Variants in GSAP observed in about 807,000 individuals in gnomAD.
The protein encoded by GSAP is gamma-secretase-activating protein.
GSAP carries 118 observed loss-of-function variants against 131.7 expected under a neutral mutation model. The ratio of observed to expected loss-of-function variants is 0.90; its 90% confidence interval spans 0.77 to 1.04. The LOEUF (loss-of-function observed/expected upper bound fraction) is 1.04. GSAP is among the 50% of genes least tolerant of loss of function. The probability of loss-of-function intolerance (pLI) is 0.00; values close to 1 mark genes in which losing one functional copy is unlikely to be tolerated. For missense variants in GSAP, 1,019 were observed against 1,013.2 expected, an observed-to-expected ratio of 1.01 and a Z score of -0.08; for synonymous variants, 381 against 363.4, an observed-to-expected ratio of 1.05 and a Z score of -0.55.
At chr7:77,340,080 G>A (rs1790681935) in intron 19 of GSAP, among the ~76,000 whole-genome samples, 1 of 152,160 alleles carries the variant, frequency 6.6e-6, no homozygotes, top group Admixed American at 6.5e-5. Flanking sequence ...CCACCATTGT[G>A]ATTTGTTTCT....
At chr7:77,360,235 A>G (rs988713419) in intron 14 of GSAP, among the ~76,000 whole-genome samples, 1 of 152,218 alleles carries the variant, frequency 6.6e-6, no homozygotes, top group Non-Finnish European at 1.5e-5. Context: ...CTTGTGCTAA[A>G]CTTTGTGCCC....
In GSAP at chr7:77,383,895, A is replaced by G. The variant is rs969278389; in HGVS notation, c.457-1252T>C. Among the ~76,000 whole-genome samples, 5 of 152,230 alleles carry G rather than the reference A, an allele frequency of 3.3e-5. No individual in the cohort carries two copies. In the South Asian group the frequency reaches 6.2e-4, roughly 19 times the overall value. On this transcript the variant is annotated intron_variant, in intron 6 of 30. Coordinates refer to ENST00000257626, the MANE Select transcript of GSAP (RefSeq NM_017439.4). ...TTTCCTAGTGTCCTACCTTTGCATA[A>G]TATCAGATTAAAAATAGTACTAGTC...
chr7:77,353,006 A>T lies in GSAP; in HGVS notation c.1429T>A (p.Tyr477Asn). ...FIIASSYWSV[Y>N]SETSNMDKLL... The stretch of plus-strand genomic sequence containing the variant: ...TTGTCCATGTTACTTGTCTCTGAAT[A>T]TACACTCCAGTATGAAGAAGCTGAG... Residue 477 changes from tyrosine (Y) to asparagine (N), a missense_variant, in exon 18 of 31, where the codon TAT becomes AAT. Coordinates refer to ENST00000257626, the MANE Select transcript of GSAP (RefSeq NM_017439.4). 6.2e-7 allele frequency: 1 copy of T among 1,602,306 alleles called. No individual in the cohort carries two copies. Among genetic ancestry groups the T allele is most frequent in the Non-Finnish European group, 8.6e-7 (1 of 1,169,434 alleles).
In GSAP at chr7:77,355,651, T is replaced by C. The variant is rs1793574831; in HGVS notation, c.1028-4A>G. 8.0e-6 allele frequency: 12 copies of C among 1,501,834 alleles called. No individual in the cohort carries two copies. The highest frequency in any genetic ancestry group is 1.1e-5 in the South Asian group (1 of 88,540). 93.0% of individuals were successfully genotyped at this position (1,501,834 alleles called of 1,614,324 possible). On this transcript the variant is annotated splice_polypyrimidine_tract_variant and splice_region_variant and intron_variant, in intron 14 of 30. Transcript: ENST00000257626. ...AAGTAAACAGCCACATAATAGTCTA[T>C]AGAAGAGAAAGATTTACATCATCTA... is the stretch of plus-strand genomic sequence containing the variant.
Position 77,320,862 on chromosome 7 carries a change from T to C in GSAP, c.1995-43A>G, listed in dbSNP as rs374846013. ...AGCAGCATGTCAGCCAAGGAGCTCA[T>C]CTGTGATGCTCCATTTGTCCTAAGC... On this transcript the variant is annotated intron_variant, in intron 25 of 30. Coordinates refer to ENST00000257626, the MANE Select transcript of GSAP (RefSeq NM_017439.4). 45 of 1,158,268 alleles carry C rather than the reference T, an allele frequency of 3.9e-5. No homozygotes were observed. The African/African-American group carries it at 6.6e-4, about 17-fold the overall frequency. The allele number at this position is 1,158,268 out of a possible 1,614,324, so 71.7% of individuals were successfully genotyped here.
chr7:77,403,548 G>A (rs952634031), intron 3 of GSAP, among the ~76,000 whole-genome samples: 3 of 151,422 alleles, frequency 2.0e-5, no homozygotes, highest in East Asian at 1.9e-4. Flanking sequence ...ATCAACCAAC[G>A]CCTTATGTGA....
intron 19 of GSAP, among the ~76,000 whole-genome samples, chr7:77,341,276 G>T (rs1243770411): frequency 6.6e-6 from 1 of 151,924 alleles, no homozygotes; most frequent in Non-Finnish European, 1.5e-5. Context: ...TCCACCCCAA[G>T]CTCTGAGTCC....
chr7:77,373,062 T>A (rs1796372961), intron 12 of GSAP, among the ~76,000 whole-genome samples: 1 of 152,154 alleles, frequency 6.6e-6, no homozygotes, highest in African/African-American at 2.4e-5. Context: ...AAGAATGGAA[T>A]GGGATGGAAT....
chr7:77,328,113 G>T, intron 22 of GSAP: 1 of 638,340 alleles, frequency 1.6e-6, no homozygotes, highest in Non-Finnish European at 2.0e-6. Context: ...TATAAGTCCA[G>T]CTCTGTCTAG....
At chr7:77,353,732 A>G (rs935636077) in intron 16 of GSAP, 91 bp from the exon 17 acceptor site, 1 of 732,670 alleles carries the variant, frequency 1.4e-6, no homozygotes, top group Non-Finnish European at 2.4e-6. Flanking sequence ...AATCTTTTGC[A>G]TTCTATACCT....
chr7:77,379,115 A>C (rs927125488), intron 8 of GSAP, among the ~76,000 whole-genome samples: 1 of 152,124 alleles, frequency 6.6e-6, no homozygotes, highest in Non-Finnish European at 1.5e-5. Context: ...AACCTTGGAC[A>C]ATCATTTTTC....
chr7:77,402,219 A>G (rs1801428916), intron 3 of GSAP, among the ~76,000 whole-genome samples: 1 of 151,296 alleles, frequency 6.6e-6, no homozygotes, highest in African/African-American at 2.4e-5. Flanking sequence ...ATCTTTCCTC[A>G]TGGTGGCACC....
intron 16 of GSAP, 123 bp downstream of exon 16, chr7:77,355,090 C>G: frequency 1.5e-6 from 1 of 647,386 alleles, no homozygotes; most frequent in South Asian, 2.0e-5. Context: ...ATGTCAGCAG[C>G]AAGGCCACAC....
At chr7:77,350,879 T>C (rs1239492031) in intron 18 of GSAP, among the ~76,000 whole-genome samples, 1 of 152,206 alleles carries the variant, frequency 6.6e-6, no homozygotes, top group Non-Finnish European at 1.5e-5. Context: ...AAGGATAAAC[T>C]TTCAAGATTG....
intron 22 of GSAP, chr7:77,327,092 A>G (rs2150660523): frequency 6.6e-6 from 1 of 152,302 alleles, no homozygotes; most frequent in Non-Finnish European, 1.5e-5. Flanking sequence ...AAACAATTTA[A>G]CATGTGAATC....
At chr7:77,371,493 G>A (rs941642955) in intron 12 of GSAP, among the ~76,000 whole-genome samples, 2 of 148,962 alleles carry the variant, frequency 1.3e-5, no homozygotes, top group African/African-American at 2.5e-5. Context: ...GGAGTGCAGT[G>A]GTGTGACCTC....
Position 77,320,778 on chromosome 7 carries a change from A to G in GSAP, c.2036T>C (p.Ile679Thr). Reference sequence around the variant, plus strand: ...TGTAGCTTCCAGAATCCTGGTCATGATGTGAAAAACTGCAAATTCAGCAGC... The same window carrying G: ...TGTAGCTTCCAGAATCCTGGTCATGGTGTGAAAAACTGCAAATTCAGCAGC... ...GSAAEFAVFH[I>T]MTRILEATNS... The change falls in exon 26 of 31, where the codon ATC (isoleucine) becomes ACC (threonine). Residue 679 changes from isoleucine (I) to threonine (T), a missense_variant. Transcript: ENST00000257626. 6.2e-7 allele frequency: 1 copy of G among 1,612,884 alleles called. No homozygotes were observed. The highest frequency in any genetic ancestry group is 8.5e-7 in the Non-Finnish European group (1 of 1,178,956).
intron 28 of GSAP, among the ~76,000 whole-genome samples, chr7:77,312,647 A>G (rs1285382460): frequency 1.3e-5 from 2 of 152,256 alleles, no homozygotes; most frequent in African/African-American, 4.8e-5. Flanking sequence ...AATGTTTCCC[A>G]GAGAGATCTA....
chr7:77,385,315 T>C (rs1346547421), intron 6 of GSAP, among the ~76,000 whole-genome samples: 3 of 152,214 alleles, frequency 2.0e-5, no homozygotes, highest in African/African-American at 7.2e-5. Flanking sequence ...ATTATAGGCA[T>C]GAGCCACTGC....
Sources: gnomAD v4.1 joint callset for allele counts (sites outside exome capture counted in the v4.1 genomes callset) on GRCh38, gnomAD v4.1.1 for gene constraint, MANE v1.5 for transcripts, NCBI Gene and HGNC (gene_info 2026-07-23, HGNC 2026-07-21) for gene names.